GMPR: variants seen among roughly 807,000 people sequenced by gnomAD.
GMPR encodes guanosine monophosphate reductase.
Under a neutral mutation model 38.4 loss-of-function variants are expected in GMPR, and 31 were observed. The observed-to-expected ratio is 0.81, with a 90% CI of 0.61 to 1.09. The LOEUF (loss-of-function observed/expected upper bound fraction) is 1.09. Among genes scored for constraint, GMPR ranks in the 50% least tolerant of loss-of-function variants. The probability of loss-of-function intolerance (pLI) is 0.00; values close to 1 mark genes in which losing one functional copy is unlikely to be tolerated. For synonymous variants in GMPR, 162 were observed against 173.3 expected (o/e 0.93, Z 0.51); for missense variants, 468 against 453.7 (o/e 1.03, Z -0.29).
At chr6:16,279,736 G>C (rs142884462) in intron 6 of GMPR, among the ~76,000 whole-genome samples, 1 of 152,312 alleles carries the variant, frequency 6.6e-6, no homozygotes, top group African/African-American at 2.4e-5. Flanking sequence ...AGGCGTGAGG[G>C]GCAGCAGGAG....
intron 1 of GMPR, among the ~76,000 whole-genome samples, chr6:16,239,736 C>T (rs117174071): frequency 4.6e-5 from 7 of 152,246 alleles, no homozygotes; most frequent in South Asian, 4.1e-4. Flanking sequence ...CAAAGAAGTC[C>T]GCTGCCCACT....
At chr6:16,283,259 G>T (rs1759609434) in intron 6 of GMPR, among the ~76,000 whole-genome samples, 1 of 152,180 alleles carries the variant, frequency 6.6e-6, no homozygotes, top group Non-Finnish European at 1.5e-5. Flanking sequence ...TTGAATACTT[G>T]CACAGAACAA....
rs566860822 is a variant in GMPR, at chr6:16,270,167, T to G, written c.466-4248T>G. Among the ~76,000 whole-genome samples, 3 of 152,338 alleles carry G rather than the reference T, an allele frequency of 2.0e-5. No individual in the cohort carries two copies. In the South Asian group the frequency reaches 6.2e-4, roughly 32 times the overall value. On this transcript the variant is annotated intron_variant, in intron 4 of 8. Transcript: ENST00000259727. ...TACTTGAAGTCTTGGCTTGGCCACT[T>G]TTTATGTCTTTTCCATGACCTTCAA...
intron 1 of GMPR, among the ~76,000 whole-genome samples, chr6:16,241,636 A>G (rs1394112246): frequency 6.6e-6 from 1 of 152,208 alleles, no homozygotes; most frequent in East Asian, 1.9e-4. Context: ...CTTTGTTTTC[A>G]TCTGTTACGC....
At chr6:16,278,684 G>A (rs1759521404) in intron 5 of GMPR, 100 bp from the exon 6 acceptor site, 2 of 812,852 alleles carry the variant, frequency 2.5e-6, no homozygotes, top group Non-Finnish European at 4.3e-6. Context: ...GTTCACCCTG[G>A]TCCCTAAAGC....
At chr6:16,255,202 G>A (rs145352295) in intron 4 of GMPR, among the ~76,000 whole-genome samples, 7,212 of 151,846 alleles carry the variant, frequency 0.047, 247 homozygotes, top group Middle Eastern at 0.089. Context: ...TAGTAGAGAC[G>A]GGGTTGCACC....
At chr6:16,271,054 T>A (rs182106870) in intron 4 of GMPR, among the ~76,000 whole-genome samples, 20 of 152,266 alleles carry the variant, frequency 1.3e-4, no homozygotes, top group African/African-American at 4.6e-4. Flanking sequence ...TAACTAGAAC[T>A]TACTTTGACT....
At chr6:16,260,031 T>C (rs571917430) in intron 4 of GMPR, among the ~76,000 whole-genome samples, 1 of 152,100 alleles carries the variant, frequency 6.6e-6, no homozygotes, top group Non-Finnish European at 1.5e-5. Flanking sequence ...TGGTCTGGTG[T>C]CTGGAATGAG....
At position 16,281,069 on chromosome 6, in the gene GMPR, C is replaced by T. The variant is rs145651075; in HGVS notation, c.654+2179C>T. 1.5e-3 allele frequency among the ~76,000 whole-genome samples: 223 copies of T among 152,294 alleles called. 3 individuals are homozygous for T. The East Asian group carries it at 0.03, about 20-fold the overall frequency. On this transcript the variant is annotated intron_variant, in intron 6 of 8. Transcript: ENST00000259727. The stretch of plus-strand genomic sequence containing the variant: ...TGGAAATCAACTTAGCATCTCTTTA[C>T]ACAGCACCACCTAATTTATAGTGTA...
At chr6:16,289,085 C>T (rs995178031) in intron 7 of GMPR, among the ~76,000 whole-genome samples, 6 of 152,204 alleles carry the variant, frequency 3.9e-5, no homozygotes, top group Admixed American at 6.5e-5. Context: ...TGTTGTTTCG[C>T]TCTTTGCAAT....
At chr6:16,289,446 A>ATG (rs1759784520) in intron 7 of GMPR, 1 of 152,288 alleles carries the variant, frequency 6.6e-6, no homozygotes, top group Non-Finnish European at 1.5e-5. Flanking sequence ...AGCGTCTATC[A>ATG]TGTGCTGTGC....
At chr6:16,242,425 A>G (rs1758668526) in intron 1 of GMPR, among the ~76,000 whole-genome samples, 1 of 151,384 alleles carries the variant, frequency 6.6e-6, no homozygotes. Context: ...AGTAACAAGA[A>G]TTTATTATCT....
intron 1 of GMPR, among the ~76,000 whole-genome samples, chr6:16,245,082 G>GT: frequency 6.6e-6 from 1 of 152,340 alleles, no homozygotes; most frequent in Middle Eastern, 3.4e-3. Flanking sequence ...CAAGCCAAAT[G>GT]TTACAGAGCC....
chr6:16,293,833 A>T (rs1356824979), intron 8 of GMPR, among the ~76,000 whole-genome samples: 1 of 152,234 alleles, frequency 6.6e-6, no homozygotes, highest in Non-Finnish European at 1.5e-5. Context: ...TGAAAAGAAC[A>T]GCTACAGAAA....
At chr6:16,246,385 G>T (rs935501452) in intron 1 of GMPR, among the ~76,000 whole-genome samples, 11 of 152,178 alleles carry the variant, frequency 7.2e-5, no homozygotes, top group Admixed American at 6.6e-4. Flanking sequence ...GCCGTGGAGG[G>T]TAAAAGGCGA....
chr6:16,253,831 T>A (rs986290146), intron 3 of GMPR, among the ~76,000 whole-genome samples: 4 of 152,228 alleles, frequency 2.6e-5, no homozygotes, highest in African/African-American at 9.6e-5. Flanking sequence ...ATTGGCCATT[T>A]CTCCTTCTTC....
chr6:16,269,577 C>T lies in GMPR; in HGVS notation c.466-4838C>T, dbSNP rs184686555. ...TTGGGAGGCCAAGACAGGCAGATTG[C>T]GTGAGCCCAGGAGTTTGAGACCAGC... On this transcript the variant is annotated intron_variant, in intron 4 of 8. Transcript: ENST00000259727. Among the ~76,000 whole-genome samples, 97 of 152,228 alleles carry T rather than the reference C, an allele frequency of 6.4e-4. 3 individuals carry two copies. The East Asian group carries it at 0.017, about 26-fold the overall frequency.
At chr6:16,269,909 CATAG>C (rs1490754082) in intron 4 of GMPR, among the ~76,000 whole-genome samples, 1 of 152,244 alleles carries the variant, frequency 6.6e-6, no homozygotes, top group Non-Finnish European at 1.5e-5. Flanking sequence ...CTTCCTGGCT[CATAG>C]ATAGATGGCC....
intron 7 of GMPR, among the ~76,000 whole-genome samples, chr6:16,287,985 C>A (rs187549114): frequency 6.6e-6 from 1 of 152,252 alleles, no homozygotes; most frequent in African/African-American, 2.4e-5. Flanking sequence ...AGGCTCCCCT[C>A]CTCCTTCATC....
Sources: gnomAD v4.1 joint callset for allele counts (sites outside exome capture counted in the v4.1 genomes callset) on GRCh38, gnomAD v4.1.1 for gene constraint, MANE v1.5 for transcripts, NCBI Gene and HGNC (gene_info 2026-07-23, HGNC 2026-07-21) for gene names.